ATP8B4: variants seen among roughly 807,000 people sequenced by gnomAD.
ATP8B4 encodes the protein probable phospholipid-transporting ATPase IM.
Under a neutral mutation model 145.6 loss-of-function variants are expected in ATP8B4, and 133 were observed. The ratio of observed to expected loss-of-function variants is 0.91; its 90% CI spans 0.79 to 1.05. The LOEUF is 1.05. Among genes scored for constraint, ATP8B4 ranks in the 50% least tolerant of loss-of-function variants. The pLI is 0.00. For missense variants in ATP8B4, 1,458 were observed against 1,425.2 expected (o/e 1.02, Z -0.37); for synonymous variants, 507 against 492.9 (o/e 1.03, Z -0.38).
chr15:50,010,836 A>T lies in ATP8B4; in HGVS notation c.435+9T>A. On this transcript the variant is annotated intron_variant, in intron 7 of 27. Transcript: ENST00000284509. ...GAGATAAATTATTCAAACAATATTG[A>T]ATACTTACAGCAACAAATTGGTTAT... 6.6e-7 allele frequency: 1 copy of T among 1,508,750 alleles called. No individual in the cohort carries two copies. Among genetic ancestry groups the T allele is most frequent in the South Asian group, 1.2e-5 (1 of 80,988 alleles). 93.5% of individuals were successfully genotyped at this position (1,508,750 alleles called of 1,614,324 possible).
chr15:49,951,736 T>G (rs1418936892), intron 14 of ATP8B4, among the ~76,000 whole-genome samples: 1 of 152,198 alleles, frequency 6.6e-6, no homozygotes. Flanking sequence ...CCTGTCATCA[T>G]GATGCTATTT....
chr15:49,994,413 T>A (rs78618753), intron 9 of ATP8B4, among the ~76,000 whole-genome samples: 10,101 of 152,156 alleles, frequency 0.066, 514 homozygotes, highest in African/African-American at 0.14. Context: ...GGCCCCCCAA[T>A]GGGATTTGTA....
rs554560509 is a variant in ATP8B4, at chr15:50,177,953, A to G, written c.-43+4308T>C. On this transcript the variant is annotated intron_variant, in intron 1 of 3. Coordinates refer to the ATP8B4 transcript ENST00000558829. The stretch of plus-strand genomic sequence containing the variant: ...ATTGGAAACTTTGAAGGGGGTAGGG[A>G]AGGTCTGGGACTGCCAATAGGAAGC... Among the ~76,000 whole-genome samples the G allele has an allele frequency of 2.0e-5, 3 of 152,276 alleles. No homozygotes were observed. The South Asian group carries it at 6.2e-4, about 32-fold the overall frequency.
At chr15:49,947,750 G>C (rs1009862519) in intron 14 of ATP8B4, among the ~76,000 whole-genome samples, 12 of 152,056 alleles carry the variant, frequency 7.9e-5, no homozygotes, top group Admixed American at 5.9e-4. Context: ...CAAAGCAGTG[G>C]GGTACTGGTA....
In ATP8B4 at chr15:49,931,995, G is replaced by T. The variant is rs28631055; in HGVS notation, c.1454-688C>A. On this transcript the variant is annotated intron_variant, in intron 15 of 27. Coordinates refer to ENST00000284509, the MANE Select transcript of ATP8B4 (RefSeq NM_024837.4). Reference sequence around the variant, plus strand: ...TAAGTTATATGTATATATACATATAGAGAGAGAGAGTTTATAAAACAGCAT... The same window carrying T: ...TAAGTTATATGTATATATACATATATAGAGAGAGAGTTTATAAAACAGCAT... Among the ~76,000 whole-genome samples the T allele has an allele frequency of 2.6e-3, 388 of 151,522 alleles. 1 individual carries two copies. The highest frequency in any genetic ancestry group is 6.9e-3 in the African/African-American group (286 of 41,382).
chr15:50,129,967 A>AGC lies in ATP8B4; in HGVS notation c.-42-22960_-42-22959insGC, dbSNP rs1392725615. 1.5e-4 allele frequency among the ~76,000 whole-genome samples: 22 copies of AGC among 149,800 alleles called. 1 individual carries two copies. In the East Asian group the frequency reaches 4.1e-3, roughly 28 times the overall value. On this transcript the variant is annotated intron_variant, in intron 1 of 3. Coordinates refer to the ATP8B4 transcript ENST00000558829. Reference sequence around the variant, plus strand: ...GACTCAAAAAAAAAAAAAAAAAAAAAAAGAAAGAAAAGAAAAGAAATTACA... The same window carrying AGC: ...GACTCAAAAAAAAAAAAAAAAAAAAAGCAAGAAAGAAAAGAAAAGAAATTACA...
Position 49,918,940 on chromosome 15 carries a change from G to A in ATP8B4, c.1934C>T (p.Ala645Val). The A allele has an allele frequency of 6.2e-7, 1 of 1,608,322 alleles. No homozygotes were observed. Among genetic ancestry groups the A allele is most frequent in the East Asian group, 2.2e-5 (1 of 44,768 alleles). Residue 645 changes from alanine to valine, a missense_variant, in exon 19 of 28, where the codon GCC becomes GTC. Transcript: ENST00000284509. Reference sequence around the variant, plus strand: ...CTGTAACTTATCTTCTACAGCAGTGGCACCTAGTAGCTTTATTGAAAAAGA... The same window carrying A: ...CTGTAACTTATCTTCTACAGCAGTGACACCTAGTAGCTTTATTGAAAAAGA... The part of the protein sequence containing the change: ...EIERDLMLLG[A>V]TAVEDKLQEG...
chr15:49,967,595 A>AT (rs1158737278), intron 13 of ATP8B4, among the ~76,000 whole-genome samples: 4 of 152,212 alleles, frequency 2.6e-5, no homozygotes, highest in Non-Finnish European at 5.9e-5. Flanking sequence ...AAAGGAACGA[A>AT]TAAAGCCTCC....
intron 14 of ATP8B4, among the ~76,000 whole-genome samples, chr15:49,939,904 C>T (rs1254388358): frequency 1.3e-5 from 2 of 152,136 alleles, no homozygotes; most frequent in East Asian, 3.9e-4. Flanking sequence ...ACAACAGATG[C>T]TGGTGAGGAT....
At chr15:50,002,626 G>A (rs1243424570) in intron 7 of ATP8B4, among the ~76,000 whole-genome samples, 2 of 151,938 alleles carry the variant, frequency 1.3e-5, no homozygotes, top group Admixed American at 1.3e-4. Flanking sequence ...AGCAGGCAAA[G>A]GAGATGGGGA....
intron 2 of ATP8B4, among the ~76,000 whole-genome samples, chr15:50,094,129 T>A (rs1205424568): frequency 6.6e-6 from 1 of 152,108 alleles, no homozygotes; most frequent in Admixed American, 6.5e-5. Flanking sequence ...ACAGTTCTGG[T>A]GTGTCTGTGA....
At chr15:50,157,210 T>A (rs887385887) in intron 1 of ATP8B4, among the ~76,000 whole-genome samples, 1 of 152,170 alleles carries the variant, frequency 6.6e-6, no homozygotes, top group Non-Finnish European at 1.5e-5. Context: ...TAGAAAGTTT[T>A]TTTTACCATC....
chr15:49,958,486 G>A (rs1208780370), intron 14 of ATP8B4, among the ~76,000 whole-genome samples: 1 of 151,626 alleles, frequency 6.6e-6, no homozygotes, highest in African/African-American at 2.4e-5. Flanking sequence ...TTTCATGGAA[G>A]AAGGGGCAAC....
At chr15:49,978,622 A>G (rs2045876779) in intron 12 of ATP8B4, among the ~76,000 whole-genome samples, 1 of 152,104 alleles carries the variant, frequency 6.6e-6, no homozygotes, top group South Asian at 2.1e-4. Context: ...ACTGTCAACC[A>G]ACCAAGTCCC....
At chr15:49,992,916 C>T (rs906911518) in intron 9 of ATP8B4, among the ~76,000 whole-genome samples, 2 of 152,092 alleles carry the variant, frequency 1.3e-5, no homozygotes, top group East Asian at 3.9e-4. Context: ...TGTTGATATC[C>T]TATTTTAATT....
At chr15:49,887,174 A>G (rs12914231) in intron 23 of ATP8B4, among the ~76,000 whole-genome samples, 38,646 of 151,766 alleles carry the variant, frequency 0.25, 6,116 homozygotes, top group Middle Eastern at 0.36. Context: ...CCAGCTACTC[A>G]AATAGTTATT....
At chr15:49,885,781 A>G (rs537459862) in intron 23 of ATP8B4, 1 of 152,120 alleles carries the variant, frequency 6.6e-6, no homozygotes, top group Admixed American at 6.5e-5. Flanking sequence ...CCTCTCCCCA[A>G]CACCCCATAT....
At chr15:50,016,393 CCAT>C (rs999075467) in intron 6 of ATP8B4, among the ~76,000 whole-genome samples, 6 of 152,140 alleles carry the variant, frequency 3.9e-5, no homozygotes, top group African/African-American at 1.4e-4. Context: ...CTTAGATTGA[CCAT>C]GGAGAAAACA....
chr15:49,897,293 T>G lies in ATP8B4; in HGVS notation c.2696A>C (p.Gln899Pro). Residue 899 changes from glutamine to proline, a missense_variant and splice_region_variant, in exon 23 of 28, where the codon CAG (glutamine) becomes CCG (proline). By Grantham distance (76) the Gln-to-Pro change is moderately conservative (BLOSUM62 -1). Transcript: ENST00000284509. ...WFGFFCGFSA[Q>P]TVYDQWFITL... is the part of the protein sequence containing the mutation. ...AAAAAAAAACATGCTTTTACCAACCTGGGCTGAGAAACCACAGAAGAAACC... is the reference window on the plus strand; with the variant it reads ...AAAAAAAAACATGCTTTTACCAACCGGGGCTGAGAAACCACAGAAGAAACC... 1 of 1,601,490 alleles carries G rather than the reference T, an allele frequency of 6.2e-7. No individual in the cohort carries two copies. Among genetic ancestry groups the G allele is most frequent in the Non-Finnish European group, 8.5e-7 (1 of 1,173,466 alleles).
Sources: allele counts gnomAD v4.1 joint callset (sites outside exome capture counted in the v4.1 genomes callset), GRCh38; gene constraint gnomAD v4.1.1; transcripts MANE v1.5; gene names NCBI Gene and HGNC (gene_info 2026-07-23, HGNC 2026-07-21).